GRID1: variants seen among roughly 807,000 people sequenced by gnomAD.
GRID1 encodes glutamate receptor ionotropic, delta-1.
GRID1 carries 28 observed loss-of-function variants against 98.0 expected under a neutral mutation model. The ratio of observed to expected loss-of-function variants is 0.29; its 90% confidence interval spans 0.21 to 0.39. The LOEUF (loss-of-function observed/expected upper bound fraction) is 0.39. GRID1 is among the 10% of genes least tolerant of loss of function. GRID1 has a pLI of 1.00. For synonymous variants in GRID1, 553 were observed against 538.5 expected, an observed-to-expected ratio of 1.03 and a Z score of -0.37; for missense variants, 1,111 against 1,340.5, an observed-to-expected ratio of 0.83 and a Z score of 2.67.
chr10:86,238,440 T>A (rs1312503976), intron 2 of GRID1, among the ~76,000 whole-genome samples: 1 of 152,118 alleles, frequency 6.6e-6, no homozygotes, highest in Non-Finnish European at 1.5e-5. Context: ...GGCAGGCAGA[T>A]CATGAGGTCA....
rs1402477800 is a variant in GRID1, at chr10:85,704,295, C to CA, written c.1997+18707dup. ...AAGGATCTACCAAGCAAGTGGAAAA[C>CA]AAAAAAGGGCAGGGGTTGCAATCCT... On this transcript the variant is annotated intron_variant, in intron 12 of 15. Coordinates refer to ENST00000327946, the MANE Select transcript of GRID1 (RefSeq NM_017551.3). 2.6e-5 allele frequency among the ~76,000 whole-genome samples: 4 copies of CA among 151,850 alleles called. No homozygotes were observed. In the East Asian group the frequency reaches 5.8e-4, roughly 22 times the overall value.
At position 86,364,623 on chromosome 10, in the gene GRID1, G is replaced by A. The variant is rs571223718; in HGVS notation, c.80-527C>T. Among the ~76,000 whole-genome samples the A allele has an allele frequency of 2.5e-3, 379 of 152,338 alleles. 9 individuals carry two copies. Among genetic ancestry groups the A allele is most frequent in the Middle Eastern group, 0.017 (5 of 294 alleles). ...TCTACAGTTGGCTTTCCTGCGCAGA[G>A]GGGTCTTCCTTAGGCAGGGGCTTCG... On this transcript the variant is annotated intron_variant, in intron 1 of 15. Coordinates refer to ENST00000327946, the MANE Select transcript of GRID1 (RefSeq NM_017551.3).
At chr10:85,800,835 T>C (rs934344149) in intron 8 of GRID1, among the ~76,000 whole-genome samples, 2 of 152,014 alleles carry the variant, frequency 1.3e-5, no homozygotes, top group East Asian at 3.8e-4. Flanking sequence ...TTTACAGAGA[T>C]AGAAACGGAA....
intron 4 of GRID1, among the ~76,000 whole-genome samples, chr10:86,105,684 T>C (rs1844373606): frequency 6.6e-6 from 1 of 152,190 alleles, no homozygotes; most frequent in Non-Finnish European, 1.5e-5. Flanking sequence ...GAGCCGGCAC[T>C]GTGGAGAGAA....
intron 12 of GRID1, among the ~76,000 whole-genome samples, chr10:85,712,256 G>A (rs1472383622): frequency 6.6e-6 from 1 of 151,720 alleles, no homozygotes; most frequent in Non-Finnish European, 1.5e-5. Context: ...TATATGCTCT[G>A]TACAGGTGCC....
chr10:85,908,740 A>G (rs1841495655), intron 5 of GRID1, among the ~76,000 whole-genome samples: 1 of 152,226 alleles, frequency 6.6e-6, no homozygotes, highest in Admixed American at 6.5e-5. Context: ...AATCTTGAAA[A>G]TGAAGAACAA....
chr10:86,077,602 C>G (rs367922840), intron 4 of GRID1, among the ~76,000 whole-genome samples: 8 of 152,312 alleles, frequency 5.3e-5, no homozygotes, highest in African/African-American at 1.9e-4. Context: ...GCACAGACCT[C>G]CATTCGAACA....
At chr10:86,296,394 T>G (rs527274379) in intron 2 of GRID1, among the ~76,000 whole-genome samples, 1 of 152,356 alleles carries the variant, frequency 6.6e-6, no homozygotes, top group African/African-American at 2.4e-5. Flanking sequence ...CTCCTTTGTT[T>G]TCTTTTTAAA....
intron 4 of GRID1, among the ~76,000 whole-genome samples, chr10:85,946,883 G>C (rs1017854388): frequency 6.6e-6 from 1 of 152,156 alleles, no homozygotes; most frequent in Admixed American, 6.5e-5. Flanking sequence ...GCCAATAGTA[G>C]GTGAATATGA....
chr10:85,639,957 T>A (rs1843095586), intron 13 of GRID1, among the ~76,000 whole-genome samples: 1 of 152,242 alleles, frequency 6.6e-6, no homozygotes, highest in Non-Finnish European at 1.5e-5. Context: ...ATATACCTTG[T>A]GCTACAATCG....
chr10:86,271,540 T>C (rs1452409513), intron 2 of GRID1, among the ~76,000 whole-genome samples: 1 of 152,228 alleles, frequency 6.6e-6, no homozygotes, highest in African/African-American at 2.4e-5. Flanking sequence ...ACATGCCGTA[T>C]GTTCAAACGT....
chr10:85,774,883 G>A (rs1198569796), intron 8 of GRID1, among the ~76,000 whole-genome samples: 5 of 151,308 alleles, frequency 3.3e-5, no homozygotes, highest in African/African-American at 1.2e-4. Flanking sequence ...TGGTGGGACC[G>A]TAAACTAGTT....
At chr10:85,857,507 C>A (rs1843123932) in intron 6 of GRID1, among the ~76,000 whole-genome samples, 1 of 152,060 alleles carries the variant, frequency 6.6e-6, no homozygotes, top group South Asian at 2.1e-4. Context: ...CTTCACACCA[C>A]CCCAGCCCTC....
chr10:86,054,315 C>T (rs2131908254), intron 4 of GRID1, among the ~76,000 whole-genome samples: 1 of 152,144 alleles, frequency 6.6e-6, no homozygotes, highest in East Asian at 1.9e-4. Flanking sequence ...GCATCAGAGA[C>T]AAGAGAAATT....
chr10:85,971,763 AT>A (rs914303908), intron 4 of GRID1, among the ~76,000 whole-genome samples: 10 of 152,128 alleles, frequency 6.6e-5, no homozygotes, highest in African/African-American at 2.2e-4. Flanking sequence ...TCCTGCAATC[AT>A]TTTGGGATAA....
At chr10:85,763,639 A>C (rs1157004119) in intron 8 of GRID1, among the ~76,000 whole-genome samples, 2 of 152,256 alleles carry the variant, frequency 1.3e-5, no homozygotes, top group Non-Finnish European at 2.9e-5. Flanking sequence ...GGAAATGGAC[A>C]GCACAAATGG....
chr10:86,210,344 G>A (rs975613068), intron 2 of GRID1, among the ~76,000 whole-genome samples: 3 of 152,104 alleles, frequency 2.0e-5, no homozygotes, highest in Non-Finnish European at 2.9e-5. Flanking sequence ...TGGCTCCTCC[G>A]GTCAGTAGCC....
At chr10:86,232,145 T>G (rs1277231262) in intron 2 of GRID1, among the ~76,000 whole-genome samples, 2 of 152,130 alleles carry the variant, frequency 1.3e-5, no homozygotes, top group Non-Finnish European at 2.9e-5. Context: ...CATCCCTAAG[T>G]GCAATGAGAA....
At chr10:86,008,544 T>A (rs978766284) in intron 4 of GRID1, among the ~76,000 whole-genome samples, 6 of 152,164 alleles carry the variant, frequency 3.9e-5, no homozygotes, top group African/African-American at 1.4e-4. Flanking sequence ...AGAGCTTCTA[T>A]AAATCAATAA....
Sources: allele counts gnomAD v4.1 joint callset (sites outside exome capture counted in the v4.1 genomes callset), GRCh38; gene constraint gnomAD v4.1.1; transcripts MANE v1.5; gene names NCBI Gene and HGNC (gene_info 2026-07-23, HGNC 2026-07-21).